The following KCNH5 variants were observed in gnomAD, a reference collection of about 807,000 sequenced individuals.
KCNH5 encodes the protein potassium voltage-gated channel subfamily H member 5.
KCNH5 carries 46 observed loss-of-function variants against 96.1 expected under a neutral mutation model. That is an observed-to-expected ratio of 0.48 (90% CI 0.38 to 0.61). The LOEUF (loss-of-function observed/expected upper bound fraction) is 0.61, where lower values mean the gene tolerates loss of function less well. Among genes scored for constraint, KCNH5 ranks in the 20% least tolerant of loss-of-function variants. The pLI, the probability that KCNH5 is intolerant of heterozygous loss-of-function variation, is 0.00. For missense variants in KCNH5, 907 were observed against 1,225.8 expected (o/e 0.74, Z 3.88); for synonymous variants, 439 against 449.8 (o/e 0.98, Z 0.30).
At chr14:62,760,381 G>A (rs544667902) in intron 10 of KCNH5, among the ~76,000 whole-genome samples, 3 of 152,326 alleles carry the variant, frequency 2.0e-5, no homozygotes, top group African/African-American at 7.2e-5. Context: ...AAAAAAGGAA[G>A]CAAATTCCTG....
chr14:62,862,593 G>A (rs1888059399), intron 7 of KCNH5, among the ~76,000 whole-genome samples: 1 of 152,206 alleles, frequency 6.6e-6, no homozygotes. Flanking sequence ...CCAATAGGAT[G>A]TGGCAGAGAT....
At chr14:62,855,542 C>A (rs1303630513) in intron 7 of KCNH5, among the ~76,000 whole-genome samples, 1 of 152,120 alleles carries the variant, frequency 6.6e-6, no homozygotes, top group African/African-American at 2.4e-5. Flanking sequence ...TTTTCTTAAG[C>A]CACTAAATGT....
At chr14:62,848,482 C>G (rs1160152947) in intron 8 of KCNH5, among the ~76,000 whole-genome samples, 1 of 152,064 alleles carries the variant, frequency 6.6e-6, no homozygotes, top group Non-Finnish European at 1.5e-5. Flanking sequence ...AATCTCACCC[C>G]CTTTCACAAT....
chr14:62,752,750 G>A (rs1283074894), intron 10 of KCNH5, among the ~76,000 whole-genome samples: 2 of 152,108 alleles, frequency 1.3e-5, no homozygotes, highest in African/African-American at 4.8e-5. Context: ...GATGGTGAGT[G>A]ACTTCCCACA....
chr14:62,910,510 G>C (rs1251866704), intron 7 of KCNH5, among the ~76,000 whole-genome samples: 2 of 152,020 alleles, frequency 1.3e-5, no homozygotes, highest in Non-Finnish European at 2.9e-5. Context: ...TTATGTAACA[G>C]GACATAAAAT....
At chr14:63,000,561 C>G (rs1890991297) in intron 4 of KCNH5, among the ~76,000 whole-genome samples, 1 of 152,176 alleles carries the variant, frequency 6.6e-6, no homozygotes. Flanking sequence ...TTTCCATAAT[C>G]TAGCAACATC....
chr14:62,816,841 CT>C (rs1310099468), intron 8 of KCNH5, among the ~76,000 whole-genome samples: 2 of 151,396 alleles, frequency 1.3e-5, no homozygotes, highest in Non-Finnish European at 3.0e-5. Context: ...CTTTTTCATT[CT>C]TTTTTCTTCT....
At chr14:62,970,044 T>TAAAAAAAAAAAAAA (rs373852520) in intron 6 of KCNH5, among the ~76,000 whole-genome samples, 7 of 30,420 alleles carry the variant, frequency 2.3e-4, no homozygotes, top group Non-Finnish European at 2.6e-4. Flanking sequence ...AGACTCCGTC[T>TAAAAAAAAAAAAAA]AAAAAAAAAA....
chr14:62,947,894 G>GT (rs1798281304), intron 7 of KCNH5, among the ~76,000 whole-genome samples: 1 of 151,748 alleles, frequency 6.6e-6, no homozygotes, highest in Non-Finnish European at 1.5e-5. Context: ...AGTTACATAC[G>GT]TATACATGTG....
At chr14:62,809,095 T>C (rs993483665) in intron 8 of KCNH5, among the ~76,000 whole-genome samples, 1 of 152,122 alleles carries the variant, frequency 6.6e-6, no homozygotes, top group Non-Finnish European at 1.5e-5. Flanking sequence ...CTTTGTTTTG[T>C]TTTTCAGAGT....
At position 62,811,955 on chromosome 14, in the gene KCNH5, C is replaced by A. The variant is rs140186485; in HGVS notation, c.1570-9374G>T. Among the ~76,000 whole-genome samples the A allele has an allele frequency of 1.8e-4, 27 of 152,182 alleles. No homozygotes were observed. In the East Asian group the frequency reaches 4.1e-3, roughly 23 times the overall value. On this transcript the variant is annotated intron_variant, in intron 8 of 10. Transcript: ENST00000322893. ...ATTGAGCCTGCTCCCCTGAAGCATC[C>A]AATTAGGCATGGTTTGAAAAGTCAC... is the stretch of plus-strand genomic sequence containing the variant.
chr14:62,743,395 G>A (rs764512657), intron 10 of KCNH5, among the ~76,000 whole-genome samples: 3 of 152,198 alleles, frequency 2.0e-5, no homozygotes, highest in South Asian at 2.1e-4. Flanking sequence ...TGGGGGTATC[G>A]ACGTAGAATA....
At chr14:62,920,144 T>G (rs1293138047) in intron 7 of KCNH5, among the ~76,000 whole-genome samples, 1 of 152,034 alleles carries the variant, frequency 6.6e-6, no homozygotes, top group Non-Finnish European at 1.5e-5. Flanking sequence ...CAACCAGCAC[T>G]TTAGGATACC....
chr14:62,763,418 T>G (rs148695078), intron 10 of KCNH5, among the ~76,000 whole-genome samples: 2 of 152,024 alleles, frequency 1.3e-5, no homozygotes, highest in Non-Finnish European at 2.9e-5. Flanking sequence ...TAGTGCTAGA[T>G]GCCCACATCA....
chr14:62,732,392 T>C (rs573610925), intron 10 of KCNH5, among the ~76,000 whole-genome samples: 142 of 152,304 alleles, frequency 9.3e-4, no homozygotes, highest in South Asian at 4.3e-3. Context: ...CTTTTCTGCA[T>C]CAGTTATATC....
At chr14:62,717,837 C>G (rs891080914) in intron 10 of KCNH5, among the ~76,000 whole-genome samples, 6 of 152,142 alleles carry the variant, frequency 3.9e-5, no homozygotes, top group Admixed American at 1.3e-4. Flanking sequence ...AGGACACTAT[C>G]AAAGTGAAAA....
At chr14:62,716,670 A>G (rs1329070770) in intron 10 of KCNH5, among the ~76,000 whole-genome samples, 1 of 152,200 alleles carries the variant, frequency 6.6e-6, no homozygotes, top group Non-Finnish European at 1.5e-5. Flanking sequence ...GCAAGATTAA[A>G]AAGTCAGGGC....
At chr14:63,019,421 G>A (rs1891385957) in intron 1 of KCNH5, among the ~76,000 whole-genome samples, 3 of 151,338 alleles carry the variant, frequency 2.0e-5, no homozygotes, top group Admixed American at 1.3e-4. Context: ...TTCTACTATA[G>A]TAATTAAGTA....
intron 2 of KCNH5, among the ~76,000 whole-genome samples, chr14:63,013,570 C>T (rs1179816928): frequency 6.6e-6 from 1 of 151,942 alleles, no homozygotes. Flanking sequence ...AAATGTGCAC[C>T]TCATTTTCTT....
Sources: allele counts gnomAD v4.1 joint callset (sites outside exome capture counted in the v4.1 genomes callset), GRCh38; gene constraint gnomAD v4.1.1; transcripts MANE v1.5; gene names NCBI Gene and HGNC (gene_info 2026-07-23, HGNC 2026-07-21).